Variants in RBM47 observed in about 807,000 individuals in gnomAD.
RBM47 encodes RNA-binding protein 47.
In RBM47, 21 loss-of-function variants were observed where a neutral mutation model predicts 47.1. The ratio of observed to expected loss-of-function variants is 0.45; its 90% CI spans 0.32 to 0.64. The LOEUF is 0.64. Ranked by LOEUF, RBM47 falls within the 30% of genes least tolerant of loss-of-function variation. RBM47 has a pLI of 0.05. For synonymous variants in RBM47, 375 were observed against 361.7 expected, an observed-to-expected ratio of 1.04 and a Z score of -0.42; for missense variants, 708 against 870.9, an observed-to-expected ratio of 0.81 and a Z score of 2.35.
In RBM47 at chr4:40,569,004, TAGATAGATAGATAGAC is replaced by T. The variant is rs148631234; in HGVS notation, c.-239-24514_-239-24499del. Among the ~76,000 whole-genome samples the T allele has an allele frequency of 8.5e-3, 1,252 of 147,202 alleles. 22 individuals are homozygous for T. The highest frequency in any genetic ancestry group is 0.028 in the African/African-American group (1,127 of 39,620). On this transcript the variant is annotated intron_variant, in intron 1 of 6. Transcript: ENST00000295971. ...CTCAAAAGATAGATAGATAGATAGATAGATAGATAGATAGACAGACAGACAGACAGACAGACAGACA... is the reference window on the plus strand; with the variant it reads ...CTCAAAAGATAGATAGATAGATAGATAGACAGACAGACAGACAGACAGACA...
intron 1 of RBM47, among the ~76,000 whole-genome samples, chr4:40,598,730 A>T (rs576130276): frequency 2.7e-4 from 41 of 152,244 alleles, no homozygotes; most frequent in East Asian, 5.8e-4. Flanking sequence ...AGCTATTTTT[A>T]AAAAATCCTT....
chr4:40,454,139 G>A (rs1490975293), intron 3 of RBM47, among the ~76,000 whole-genome samples: 1 of 152,196 alleles, frequency 6.6e-6, no homozygotes, highest in African/African-American at 2.4e-5. Flanking sequence ...CGGTGGCAGA[G>A]TTGAGTTAAG....
chr4:40,443,472 C>T (rs1007831855), intron 3 of RBM47, among the ~76,000 whole-genome samples: 3 of 151,958 alleles, frequency 2.0e-5, no homozygotes, highest in African/African-American at 7.3e-5. Flanking sequence ...AATCCCAGCA[C>T]TTTGGGAGGC....
chr4:40,518,468 G>T (rs111233904), intron 2 of RBM47, among the ~76,000 whole-genome samples: 7 of 151,974 alleles, frequency 4.6e-5, no homozygotes, highest in African/African-American at 1.7e-4. Context: ...GAGCAACCAC[G>T]CCCAGCTGCA....
intron 2 of RBM47, among the ~76,000 whole-genome samples, chr4:40,504,158 C>A (rs1165658326): frequency 6.6e-6 from 1 of 152,136 alleles, no homozygotes; most frequent in Non-Finnish European, 1.5e-5. Flanking sequence ...AGTTAAGCAT[C>A]TTTAAGGTTC....
At chr4:40,539,207 G>A (rs955032523) in intron 2 of RBM47, among the ~76,000 whole-genome samples, 1 of 152,126 alleles carries the variant, frequency 6.6e-6, no homozygotes, top group South Asian at 2.1e-4. Flanking sequence ...CAGAAAACTC[G>A]TTTTTAGAAG....
intron 3 of RBM47, among the ~76,000 whole-genome samples, chr4:40,446,181 G>T (rs1714497173): frequency 6.6e-6 from 1 of 152,196 alleles, no homozygotes; most frequent in African/African-American, 2.4e-5. Flanking sequence ...GACAGGCAGA[G>T]TGCTATGCTT....
At chr4:40,560,536 G>C (rs1000639109) in intron 1 of RBM47, among the ~76,000 whole-genome samples, 1 of 152,236 alleles carries the variant, frequency 6.6e-6, no homozygotes, top group African/African-American at 2.4e-5. Context: ...CCAGCCTTTG[G>C]TCACTTGCCA....
At chr4:40,464,326 A>G (rs1717630182) in intron 3 of RBM47, among the ~76,000 whole-genome samples, 1 of 152,138 alleles carries the variant, frequency 6.6e-6, no homozygotes, top group African/African-American at 2.4e-5. Context: ...ATAGTAATGA[A>G]CCCTATATAT....
Position 40,432,776 on chromosome 4 carries a change from C to G in RBM47, c.1417G>C (p.Val473Leu). 1.2e-6 allele frequency: 2 copies of G among 1,613,782 alleles called. No homozygotes were observed. Among genetic ancestry groups the G allele is most frequent in the Non-Finnish European group, 1.7e-6 (2 of 1,179,954 alleles). ...KMIEDGKIHT[V>L]EHMISPIAVQ... The stretch of plus-strand genomic sequence containing the variant: ...GCAATGGGGCTGATCATGTGCTCCA[C>G]TGTGTGGATTTTGCCATCTTCAATC... The change falls in exon 6 of 7, where the codon GTG (valine) becomes CTG (leucine). Residue 473 changes from valine (V) to leucine (L), a missense_variant. By Grantham distance (32) the Val-to-Leu change is conservative. Transcript: ENST00000295971.
At chr4:40,488,279 G>A (rs1052445749) in intron 2 of RBM47, among the ~76,000 whole-genome samples, 1 of 133,342 alleles carries the variant, frequency 7.5e-6, no homozygotes, top group Non-Finnish European at 1.6e-5. Context: ...GCAGTGAGCC[G>A]AGATTGTACA....
In RBM47 at chr4:40,437,754, G is replaced by C; in HGVS notation, c.1123+17C>G. 5 of 1,584,442 alleles carry C rather than the reference G, an allele frequency of 3.2e-6. No homozygotes were observed. Among genetic ancestry groups the C allele is most frequent in the Non-Finnish European group, 4.3e-6 (5 of 1,158,902 alleles). Reference sequence around the variant, plus strand: ...ACGTTCTTGGGGGCCCCACCCAGGAGAAGAGCCCCCACTAACCTTTCACAA... The same window carrying C: ...ACGTTCTTGGGGGCCCCACCCAGGACAAGAGCCCCCACTAACCTTTCACAA... On this transcript the variant is annotated intron_variant, in intron 4 of 6. Transcript: ENST00000295971.
chr4:40,535,374 T>TTTTTTTTTTTTTTTTC (rs1560452324), intron 2 of RBM47, among the ~76,000 whole-genome samples: 4 of 130,464 alleles, frequency 3.1e-5, no homozygotes, highest in African/African-American at 9.8e-5. Context: ...GGTATTTCTT[T>TTTTTTTTTTTTTTTTC]TTTTTTTTTT....
intron 2 of RBM47, among the ~76,000 whole-genome samples, chr4:40,533,451 AAAG>A (rs1322224345): frequency 7.9e-5 from 12 of 151,882 alleles, no homozygotes; most frequent in Non-Finnish European, 1.3e-4. Flanking sequence ...AAAAAAAAAA[AAAG>A]AAGAAGGGAA....
intron 1 of RBM47, among the ~76,000 whole-genome samples, chr4:40,617,011 G>A (rs1736812927): frequency 6.6e-6 from 1 of 150,884 alleles, no homozygotes; most frequent in Non-Finnish European, 1.5e-5. Flanking sequence ...GAGTAGCTAG[G>A]ATTACAGGCG....
chr4:40,448,266 AGTGT>A (rs148826268), intron 3 of RBM47, among the ~76,000 whole-genome samples: 2 of 151,164 alleles, frequency 1.3e-5, no homozygotes, highest in African/African-American at 4.9e-5. Flanking sequence ...TGACTGTGAG[AGTGT>A]GTGTGTGTGA....
chr4:40,572,428 A>T (rs1731820742), intron 1 of RBM47, among the ~76,000 whole-genome samples: 1 of 152,000 alleles, frequency 6.6e-6, no homozygotes, highest in South Asian at 2.1e-4. Flanking sequence ...TTCAAGATAT[A>T]TTGTTAAGTG....
At chr4:40,557,523 C>T (rs1374650954) in intron 1 of RBM47, among the ~76,000 whole-genome samples, 2 of 151,958 alleles carry the variant, frequency 1.3e-5, no homozygotes, top group African/African-American at 2.4e-5. Context: ...CTGAGGTGGG[C>T]GGATCAACTG....
rs918208446 is a variant in RBM47 at position 40,502,987 on chromosome 4, A to G, written c.-154-36288T>C. The stretch of plus-strand genomic sequence containing the variant: ...TAACATTGTACAACCCTGTCTGTAC[A>G]AAAAAAAAAAAAAAAAAGAATGGAA... On this transcript the variant is annotated intron_variant, in intron 2 of 6. Transcript: ENST00000295971. 9.9e-5 allele frequency among the ~76,000 whole-genome samples: 6 copies of G among 60,554 alleles called. 1 individual carries two copies. The highest frequency in any genetic ancestry group is 1.6e-4 in the Admixed American group (1 of 6,306). 39.7% of individuals were successfully genotyped at this position (60,554 alleles called of 152,430 possible).
Sources: allele counts gnomAD v4.1 joint callset (sites outside exome capture counted in the v4.1 genomes callset), GRCh38; gene constraint gnomAD v4.1.1; transcripts MANE v1.5; gene names NCBI Gene and HGNC (gene_info 2026-07-23, HGNC 2026-07-21).